The following TUBGCP3 variants were observed in gnomAD, a reference collection of about 807,000 sequenced individuals.
TUBGCP3 encodes the protein gamma-tubulin complex component 3.
Under a neutral mutation model 123.1 loss-of-function variants are expected in TUBGCP3, and 50 were observed. That is an observed-to-expected ratio of 0.41 (90% CI 0.32 to 0.51). TUBGCP3 has a LOEUF of 0.51. Among genes scored for constraint, TUBGCP3 ranks in the 20% least tolerant of loss-of-function variants. TUBGCP3 has a pLI of 0.36. For synonymous variants in TUBGCP3, 405 were observed against 413.9 expected (o/e 0.98, Z 0.26); for missense variants, 882 against 1,127.0 (o/e 0.78, Z 3.11).
In TUBGCP3 at chr13:112,516,601, G is replaced by A. The variant is rs931096162; in HGVS notation, c.1951-26C>T. On this transcript the variant is annotated intron_variant, in intron 16 of 21. Transcript: ENST00000261965. Reference sequence around the variant, plus strand: ...CTGGGATAACAGCAGAAGACAAGTTGATAGTATTCCCACGTAAGAATCCTC... The same window carrying A: ...CTGGGATAACAGCAGAAGACAAGTTAATAGTATTCCCACGTAAGAATCCTC... The A allele has an allele frequency of 1.9e-6, 3 of 1,607,052 alleles. No homozygotes were observed. The African/African-American group carries it at 4.0e-5, about 22-fold the overall frequency.
chr13:112,514,924 G>A (rs1472275013), intron 17 of TUBGCP3, among the ~76,000 whole-genome samples: 1 of 152,194 alleles, frequency 6.6e-6, no homozygotes, highest in Non-Finnish European at 1.5e-5. Context: ...GAAATCATAT[G>A]TACATGAGGT....
chr13:112,576,256 T>C (rs1291571020), intron 1 of TUBGCP3, among the ~76,000 whole-genome samples: 1 of 152,008 alleles, frequency 6.6e-6, no homozygotes, highest in Non-Finnish European at 1.5e-5. Flanking sequence ...TCCTTTCTCT[T>C]TCTCTATAAA....
the TUBGCP3 span, among the ~76,000 whole-genome samples, chr13:112,599,320 G>A: frequency 1.3e-5 from 2 of 152,070 alleles, no homozygotes; most frequent in African/African-American, 4.8e-5. Context: ...CCTAATAAAT[G>A]GGTCCTTACG....
At chr13:112,504,960 G>A (rs890404153) in intron 17 of TUBGCP3, among the ~76,000 whole-genome samples, 4 of 152,004 alleles carry the variant, frequency 2.6e-5, no homozygotes, top group Non-Finnish European at 5.9e-5. Context: ...ACAAATATAT[G>A]AAACAAAATA....
intron 6 of TUBGCP3, 82 bp downstream of exon 6, chr13:112,555,970 T>C: frequency 6.8e-7 from 1 of 1,465,792 alleles, no homozygotes; most frequent in South Asian, 1.4e-5. Flanking sequence ...GAGGTGGGGC[T>C]CCTGGGCTGT....
upstream of TUBGCP3, among the ~76,000 whole-genome samples, chr13:112,588,769 CCG>C (rs1882803091): frequency 6.6e-6 from 1 of 152,158 alleles, no homozygotes; most frequent in Non-Finnish European, 1.5e-5. Flanking sequence ...CGCTTGGGAG[CCG>C]TGAGCTACCA....
At chr13:112,597,071 T>C in the TUBGCP3 span, among the ~76,000 whole-genome samples, 1 of 152,214 alleles carries the variant, frequency 6.6e-6, no homozygotes, top group Non-Finnish European at 1.5e-5. Flanking sequence ...ATGGCTGGGA[T>C]ACTGACAAGC....
chr13:112,531,398 T>C (rs1050144454), intron 11 of TUBGCP3, among the ~76,000 whole-genome samples: 3 of 152,240 alleles, frequency 2.0e-5, no homozygotes, highest in Non-Finnish European at 4.4e-5. Flanking sequence ...CGACTTAACC[T>C]AGACTTCAAT....
rs1348137878 is a variant in TUBGCP3, at chr13:112,547,713, C to T, written c.1075G>A (p.Glu359Lys). The part of the protein sequence containing the change: ...EDDQGVNLGL[E>K]SSLTLRRLLV... ...AGGCGCCGAAGTGTTAAACTACTCTCAAGTCCCAAATTCACACCCTGGTCA... is the reference window on the plus strand; with the variant it reads ...AGGCGCCGAAGTGTTAAACTACTCTTAAGTCCCAAATTCACACCCTGGTCA... Residue 359 changes from glutamate to lysine, a missense_variant, in exon 10 of 22, where the codon GAG becomes AAG. Physicochemically the swap from Glu to Lys is moderately conservative, Grantham distance 56. Around this residue, in one of 3 missense-constraint regions of TUBGCP3, gnomAD observed 713 missense variants for 874.0 expected, o/e 0.82. Coordinates refer to ENST00000261965, the MANE Select transcript of TUBGCP3 (RefSeq NM_006322.6). 1 of 1,544,372 alleles carries T rather than the reference C, an allele frequency of 6.5e-7. No individual in the cohort carries two copies. The highest frequency in any genetic ancestry group is 8.7e-7 in the Non-Finnish European group (1 of 1,143,824).
chr13:112,521,883 T>G, intron 14 of TUBGCP3: 2 of 983,812 alleles, frequency 2.0e-6, no homozygotes, highest in Non-Finnish European at 2.4e-6. Context: ...GAAGATGCCA[T>G]GAGAAATGTC....
At chr13:112,505,905 C>T (rs754341565) in intron 17 of TUBGCP3, among the ~76,000 whole-genome samples, 8 of 152,246 alleles carry the variant, frequency 5.3e-5, no homozygotes, top group Admixed American at 1.3e-4. Context: ...GACACCCTCA[C>T]CTGCCCGGTG....
chr13:112,519,740 G>T lies in TUBGCP3; in HGVS notation c.1881+146C>A. ...TGACCAGGCAGTAACAAGCCACAGAGTGGAGTTCCTACTCAGGCTGCCCAG... is the reference window on the plus strand; with the variant it reads ...TGACCAGGCAGTAACAAGCCACAGATTGGAGTTCCTACTCAGGCTGCCCAG... On this transcript the variant is annotated intron_variant, in intron 15 of 21. Coordinates refer to ENST00000261965, the MANE Select transcript of TUBGCP3 (RefSeq NM_006322.6). The surrounding 1 kb of genome is among the most constrained non-coding windows in gnomAD (Gnocchi z 6.2). 9.4e-7 allele frequency: 1 copy of T among 1,069,298 alleles called. No homozygotes were observed. The highest frequency in any genetic ancestry group is 1.3e-6 in the Non-Finnish European group (1 of 779,672). The allele number at this position is 1,069,298 out of a possible 1,614,324, so 66.2% of individuals were successfully genotyped here.
chr13:112,525,456 G>T (rs150221620), intron 13 of TUBGCP3, among the ~76,000 whole-genome samples: 6 of 152,304 alleles, frequency 3.9e-5, no homozygotes, highest in African/African-American at 1.4e-4. Flanking sequence ...AGACTAATAA[G>T]CTCATGAAAG....
At chr13:112,579,187 A>G (rs1882089123) in intron 1 of TUBGCP3, among the ~76,000 whole-genome samples, 1 of 152,244 alleles carries the variant, frequency 6.6e-6, no homozygotes, top group East Asian at 1.9e-4. Flanking sequence ...GATGTTCAAC[A>G]TCACTAGGAA....
chr13:112,504,920 T>C (rs1881190354), intron 17 of TUBGCP3, among the ~76,000 whole-genome samples: 1 of 152,216 alleles, frequency 6.6e-6, no homozygotes, highest in African/African-American at 2.4e-5. Context: ...CAAGTAGTAC[T>C]ATACTACTTT....
upstream of TUBGCP3, among the ~76,000 whole-genome samples, chr13:112,588,848 A>C (rs1882805883): frequency 6.6e-6 from 1 of 152,224 alleles, no homozygotes; most frequent in Non-Finnish European, 1.5e-5. Context: ...GAAATGGAAG[A>C]GGGAGGACAA....
intron 19 of TUBGCP3, among the ~76,000 whole-genome samples, chr13:112,502,365 C>G (rs1880967599): frequency 6.6e-6 from 1 of 152,132 alleles, no homozygotes; most frequent in Non-Finnish European, 1.5e-5. Context: ...GAACAGAGAG[C>G]TATTTGTTAC....
At chr13:112,490,494 A>T (rs1880008378) in intron 20 of TUBGCP3, among the ~76,000 whole-genome samples, 1 of 152,212 alleles carries the variant, frequency 6.6e-6, no homozygotes, top group South Asian at 2.1e-4. Context: ...ATCTCAGGTG[A>T]TCTGCCTGCC....
chr13:112,526,350 C>A (rs1234094364), intron 13 of TUBGCP3, among the ~76,000 whole-genome samples: 1 of 142,952 alleles, frequency 7.0e-6, no homozygotes. Context: ...CCACCCATCC[C>A]CATCATCACT....
Sources: allele counts gnomAD v4.1 joint callset (sites outside exome capture counted in the v4.1 genomes callset), GRCh38; gene constraint gnomAD v4.1.1; regional missense constraint gnomAD v4.1.1; non-coding constraint Gnocchi (gnomAD v3.1); transcripts MANE v1.5; gene names NCBI Gene and HGNC (gene_info 2026-07-23, HGNC 2026-07-21).